Variants in MYH2 observed in about 807,000 individuals in gnomAD.
The protein encoded by MYH2 is myosin-2.
MYH2 carries 139 observed loss-of-function variants against 228.1 expected under a neutral mutation model. The ratio of observed to expected loss-of-function variants is 0.61; its 90% CI spans 0.53 to 0.70. MYH2 has a LOEUF of 0.70. Ranked by LOEUF, MYH2 falls within the 30% of genes least tolerant of loss-of-function variation. The pLI is 0.00. For synonymous variants in MYH2, 796 were observed against 871.1 expected (o/e 0.91, Z 1.52); for missense variants, 1,809 against 2,357.5 (o/e 0.77, Z 4.82).
rs1366420030 is a variant in MYH2, at chr17:10,524,942, G to A, written c.4786C>T (p.His1596Tyr). Residue 1596 changes from histidine (H) to tyrosine (Y), a missense_variant, in exon 34 of 40, where the codon CAC becomes TAC. Physicochemically the swap from His to Tyr is moderately conservative, Grantham distance 83 (BLOSUM62 2). Coordinates refer to ENST00000245503, the MANE Select transcript of MYH2 (RefSeq NM_017534.6). This position sits in a 1 kb window ranked among gnomAD's most constrained non-coding sequence, Gnocchi z 4.7. ...TGCATGGACTCCACGATTCTAATGT[G>A]GTTTCTCTTCAGCTGGTCAATTTCC... is the stretch of plus-strand genomic sequence containing the variant. ...DEEIDQLKRNHIRIVESMQST... is the reference protein window; with the variant it reads ...DEEIDQLKRNYIRIVESMQST... 1.9e-6 allele frequency: 3 copies of A among 1,614,034 alleles called. No homozygotes were observed. Among genetic ancestry groups the A allele is most frequent in the Non-Finnish European group, 2.5e-6 (3 of 1,180,022 alleles).
At position 10,523,583 on chromosome 17, in the gene MYH2, G is replaced by C. The variant is rs1042321; in HGVS notation, c.5385C>G (p.Thr1795=). The part of the protein sequence containing the change: ...LERMKKNMEQ[T]VKDLQLRLDE... The stretch of plus-strand genomic sequence containing the variant: ...CCAGACGGAGCTGCAGATCCTTCAC[G>C]GTCTGCTCCATGTTCTTCTTCATCC... Residue 1795 remains threonine, a synonymous_variant, in exon 37 of 40, where the codon ACC becomes ACG. Transcript: ENST00000245503. 1.9e-6 allele frequency: 3 copies of C among 1,614,156 alleles called. No homozygotes were observed. Among genetic ancestry groups the C allele is most frequent in the Non-Finnish European group, 2.5e-6 (3 of 1,180,038 alleles).
At chr17:10,526,504 C>G (rs2073355754) in intron 30 of MYH2, 95 bp downstream of exon 30, 1 of 1,571,064 alleles carries the variant, frequency 6.4e-7, no homozygotes, top group Admixed American at 1.7e-5. Flanking sequence ...GATTAATGAG[C>G]ATTTGTGGAC....
At chr17:10,545,282 G>A (rs2073613026) in intron 5 of MYH2, 64 bp downstream of exon 5, 2 of 1,611,548 alleles carry the variant, frequency 1.2e-6, no homozygotes, top group Non-Finnish European at 1.7e-6. Context: ...ATTGCCTCGA[G>A]TCTCTTTCTC....
In MYH2 at chr17:10,547,525, G is replaced by A; in HGVS notation, c.298C>T (p.Pro100Ser). 1 of 1,614,116 alleles carries A rather than the reference G, an allele frequency of 6.2e-7. No individual in the cohort carries two copies. Among genetic ancestry groups the A allele is most frequent in the Non-Finnish European group, 8.5e-7 (1 of 1,180,002 alleles). ...DMAMMTHLHE[P>S]AVLYNLKERY... is the part of the protein sequence containing the mutation. ...TCTTTGAGGTTGTACAGCACAGCAG[G>A]CTCATGCAGATGAGTCATCATGGCC... The change falls in exon 4 of 40, where the codon CCT becomes TCT. Residue 100 changes from proline to serine, a missense_variant. Physicochemically the swap from Pro to Ser is moderately conservative, Grantham distance 74. Around this residue, in one of 9 missense-constraint regions of MYH2, gnomAD observed 373 missense variants for 620.4 expected, o/e 0.60. Transcript: ENST00000245503.
In MYH2 at chr17:10,523,528, C is replaced by T. The variant is rs781591446; in HGVS notation, c.5440G>A (p.Gly1814Arg). 3 of 1,614,222 alleles carry T rather than the reference C, an allele frequency of 1.9e-6. No individual in the cohort carries two copies. The highest frequency in any genetic ancestry group is 2.5e-6 in the Non-Finnish European group (3 of 1,180,038). The change falls in exon 37 of 40, where the codon GGG becomes AGG. Residue 1814 changes from glycine to arginine, a missense_variant. Physicochemically the swap from Gly to Arg is moderately radical, Grantham distance 125. Around this residue, in one of 9 missense-constraint regions of MYH2, gnomAD observed 278 missense variants for 308.5 expected, o/e 0.90. Transcript: ENST00000245503. Reference sequence around the variant, plus strand: ...TCCAGTTTCTGGATCTGCTTCTTCCCACCCTTCAGGGCCAGCTGCTCAGCC... The same window carrying T: ...TCCAGTTTCTGGATCTGCTTCTTCCTACCCTTCAGGGCCAGCTGCTCAGCC... ...DEAEQLALKG[G>R]KKQIQKLEAR...
intron 8 of MYH2, 73 bp from the exon 9 acceptor site, chr17:10,543,234 A>G (rs2073581098): frequency 1.8e-6 from 2 of 1,130,502 alleles, no homozygotes; most frequent in Admixed American, 3.9e-5. Context: ...CAAACATTTG[A>G]TGCTGGTACT....
chr17:10,531,800 G>GTTTCTGCACTCTT lies in MYH2; in HGVS notation c.2529_2530insAAGAGTGCAGAAA (p.Pro844LysfsTer13), dbSNP rs1282802711. On this transcript the variant is annotated frameshift_variant, in exon 22 of 40. Transcript: ENST00000245503. LOFTEE classifies it high-confidence loss of function. ...TCAGTTTCTGCACTCTTCAACAGAG[G>GTTTCTGCACTCTT]CTTGATCTTGAAGAAGAGTTTCATC... The GTTTCTGCACTCTT allele has an allele frequency of 9.9e-6, 16 of 1,614,012 alleles. No individual in the cohort carries two copies. The Admixed American group carries it at 2.7e-4, about 27-fold the overall frequency.
At chr17:10,540,731 A>G (rs753723682) in intron 10 of MYH2, 34 bp from the exon 11 acceptor site, 3 of 1,489,122 alleles carry the variant, frequency 2.0e-6, no homozygotes, top group South Asian at 1.1e-5. Flanking sequence ...GATAAACATA[A>G]TTATCTTCTT....
chr17:10,538,001 T>G, intron 14 of MYH2, 166 bp from the exon 15 acceptor site: 1 of 1,314,228 alleles, frequency 7.6e-7, no homozygotes, highest in South Asian at 1.4e-5. Flanking sequence ...TATGGAAGGT[T>G]TGAGGGCATG....
At position 10,544,953 on chromosome 17, in the gene MYH2, C is replaced by T. The variant is rs140470883; in HGVS notation, c.505+393G>A. Among the ~76,000 whole-genome samples the T allele has an allele frequency of 7.5e-4, 114 of 152,140 alleles. 1 individual carries two copies. Among genetic ancestry groups the T allele is most frequent in the Non-Finnish European group, 1.1e-3 (76 of 68,016 alleles). On this transcript the variant is annotated intron_variant, in intron 5 of 39. Transcript: ENST00000245503. ...TGAAACTACAGAGACAAGTTTTACT[C>T]TTCCATTTTTTGGCTCATAGTAACG...
chr17:10,525,806 G>A lies in MYH2; in HGVS notation c.4258C>T (p.Leu1420Phe), dbSNP rs187438258. The A allele has an allele frequency of 1.7e-4, 274 of 1,614,158 alleles. No homozygotes were observed. The East Asian group carries it at 5.7e-3, about 34-fold the overall frequency. ...VEAVNAKCAS[L>F]EKTKQRLQNE... Reference sequence around the variant, plus strand: ...TGCAGCCGCTGCTTCGTCTTTTCGAGGGAAGCACATTTGGCGTTCACAGCT... The same window carrying A: ...TGCAGCCGCTGCTTCGTCTTTTCGAAGGAAGCACATTTGGCGTTCACAGCT... The change falls in exon 31 of 40, where the codon CTC becomes TTC. Residue 1420 changes from leucine to phenylalanine, a missense_variant. Physicochemically the swap from Leu to Phe is conservative, Grantham distance 22. Coordinates refer to ENST00000245503, the MANE Select transcript of MYH2 (RefSeq NM_017534.6). This position sits in a 1 kb window ranked among gnomAD's most constrained non-coding sequence, Gnocchi z 4.2.
Position 10,525,312 on chromosome 17 carries a change from C to T in MYH2, c.4574G>A (p.Gly1525Glu). The change falls in exon 33 of 40, where the codon GGA becomes GAA. Residue 1525 changes from glycine (G) to glutamate (E), a missense_variant. This residue lies in a region of MYH2 where 636 missense variants were observed against 729.9 expected (regional missense o/e 0.87). Coordinates refer to ENST00000245503, the MANE Select transcript of MYH2 (RefSeq NM_017534.6). The surrounding 1 kb of genome is among the most constrained non-coding windows in gnomAD (Gnocchi z 4.2). ...ISDLTEQIAE[G>E]GKRIHELEKI... The stretch of plus-strand genomic sequence containing the variant: ...CTCCAGTTCATGGATACGTTTCCCT[C>T]CTTCTGCAATCTGTTCCGTGAGGTC... 6.2e-7 allele frequency: 1 copy of T among 1,614,126 alleles called. No individual in the cohort carries two copies. The highest frequency in any genetic ancestry group is 1.3e-5 in the African/African-American group (1 of 75,048).
At chr17:10,528,129 C>T (rs563478184) in intron 27 of MYH2, among the ~76,000 whole-genome samples, 2 of 150,456 alleles carry the variant, frequency 1.3e-5, no homozygotes, top group South Asian at 4.2e-4. Flanking sequence ...CTGCAACCTC[C>T]GCCTCCCGGG....
intron 4 of MYH2, among the ~76,000 whole-genome samples, chr17:10,547,195 A>G (rs2073646422): frequency 6.6e-6 from 1 of 152,182 alleles, no homozygotes; most frequent in African/African-American, 2.4e-5. Flanking sequence ...ATTACCTGTG[A>G]TTGAAATATA....
At position 10,525,935 on chromosome 17, in the gene MYH2, T is replaced by C. The variant is rs2073347058; in HGVS notation, c.4188-59A>G. On this transcript the variant is annotated intron_variant, in intron 30 of 39. Transcript: ENST00000245503. This position sits in a 1 kb window ranked among gnomAD's most constrained non-coding sequence, Gnocchi z 4.2. ...AACCATAATATGAATTATGAGCTAT[T>C]GCCACACACGCTGAAGAGTGTTAGA... is the stretch of plus-strand genomic sequence containing the variant. The C allele has an allele frequency of 1.9e-6, 3 of 1,560,972 alleles. No homozygotes were observed. Among genetic ancestry groups the C allele is most frequent in the Non-Finnish European group, 2.6e-6 (3 of 1,137,136 alleles).
At chr17:10,527,144 T>G in intron 28 of MYH2, 88 bp from the exon 29 acceptor site, 1 of 1,218,272 alleles carries the variant, frequency 8.2e-7, no homozygotes, top group South Asian at 1.2e-5. Flanking sequence ...ACTCTTATTT[T>G]CCCAAATTGA....
rs1597452081 is a variant in MYH2, at chr17:10,531,816, G to A, written c.2514C>T (p.Leu838=). The change falls in exon 22 of 40, where the codon CTC becomes CTT. Residue 838 remains leucine, a synonymous_variant. Coordinates refer to ENST00000245503, the MANE Select transcript of MYH2 (RefSeq NM_017534.6). Reference sequence around the variant, plus strand: ...TCAACAGAGGCTTGATCTTGAAGAAGAGTTTCATCCAGGGCCAGTGCTTGA... The same window carrying A: ...TCAACAGAGGCTTGATCTTGAAGAAAAGTTTCATCCAGGGCCAGTGCTTGA... The part of the protein sequence containing the change: ...MNVKHWPWMK[L]FFKIKPLLKS... The A allele has an allele frequency of 6.2e-7, 1 of 1,614,150 alleles. No individual in the cohort carries two copies. The highest frequency in any genetic ancestry group is 8.5e-7 in the Non-Finnish European group (1 of 1,180,014).
At chr17:10,528,369 A>C (rs192667853) in intron 27 of MYH2, among the ~76,000 whole-genome samples, 2 of 152,310 alleles carry the variant, frequency 1.3e-5, no homozygotes, top group Admixed American at 6.5e-5. Context: ...ATGTACGATG[A>C]AACTTTCCTT....
chr17:10,525,957 T>C lies in MYH2; in HGVS notation c.4188-81A>G. Reference sequence around the variant, plus strand: ...TATTGCCACACACGCTGAAGAGTGTTAGAAACTTCACATTAATGCTGCCCA... The same window carrying C: ...TATTGCCACACACGCTGAAGAGTGTCAGAAACTTCACATTAATGCTGCCCA... On this transcript the variant is annotated intron_variant, in intron 30 of 39. Coordinates refer to ENST00000245503, the MANE Select transcript of MYH2 (RefSeq NM_017534.6). The surrounding 1 kb of genome is among the most constrained non-coding windows in gnomAD (Gnocchi z 4.2). The C allele has an allele frequency of 1.4e-6, 2 of 1,456,734 alleles. No homozygotes were observed. The highest frequency in any genetic ancestry group is 1.9e-6 in the Non-Finnish European group (2 of 1,057,878). The allele number at this position is 1,456,734 out of a possible 1,614,324, so 90.2% of individuals were successfully genotyped here.
Sources: allele counts gnomAD v4.1 joint callset (sites outside exome capture counted in the v4.1 genomes callset), GRCh38; gene constraint gnomAD v4.1.1; regional missense constraint gnomAD v4.1.1; non-coding constraint Gnocchi (gnomAD v3.1); transcripts MANE v1.5; gene names NCBI Gene and HGNC (gene_info 2026-07-23, HGNC 2026-07-21).